The following LGALS8 variants were observed in gnomAD, a reference collection of about 807,000 sequenced individuals.
LGALS8 encodes the protein galectin 8, also known as galectin-8.
In LGALS8, 30 loss-of-function variants were observed where a neutral mutation model predicts 35.9. The observed-to-expected ratio is 0.83, with a 90% CI of 0.62 to 1.13. The LOEUF is 1.13. Ranked by LOEUF, LGALS8 falls within the 50% of genes most tolerant of loss-of-function variation. LGALS8 has a pLI of 0.00. For synonymous variants in LGALS8, 138 were observed against 136.1 expected (o/e 1.01, Z -0.10); for missense variants, 366 against 388.7 (o/e 0.94, Z 0.49).
At chr1:236,543,284 C>T (rs115495077) in intron 7 of LGALS8, 1 of 637,290 alleles carries the variant, frequency 1.6e-6, no homozygotes. Flanking sequence ...ACCCCAGGCA[C>T]AGGGGGCCTT....
At chr1:236,544,973 G>C in intron 9 of LGALS8, 58 bp downstream of exon 9, 1 of 1,351,572 alleles carries the variant, frequency 7.4e-7, no homozygotes, top group Middle Eastern at 1.9e-4. Flanking sequence ...GCAGGGGTGG[G>C]ATAAGTGGTC....
At chr1:236,531,476 A>T (rs182535171) in intron 2 of LGALS8, among the ~76,000 whole-genome samples, 18 of 152,112 alleles carry the variant, frequency 1.2e-4, no homozygotes, top group Non-Finnish European at 2.4e-4. Context: ...GGCGCCCGCC[A>T]CCCACGCCTG....
intron 2 of LGALS8, among the ~76,000 whole-genome samples, chr1:236,532,462 C>A (rs554834096): frequency 4.5e-4 from 69 of 152,296 alleles, no homozygotes; most frequent in African/African-American, 1.6e-3. Flanking sequence ...TTCTGAGTCT[C>A]CAAGTCTTAG....
In LGALS8 at chr1:236,523,997, C is replaced by G. The variant is rs182334325; in HGVS notation, c.-168C>G. On this transcript the variant is annotated 5_prime_UTR_variant, in exon 1 of 10. Transcript: ENST00000366584. ...GCCCACGGACGCCAGAGCCGGGAAC[C>G]CTGACGGCACTTAGCTGCTGACAAA... 538 of 399,374 alleles carry G rather than the reference C, an allele frequency of 1.3e-3. 2 individuals carry two copies. Among genetic ancestry groups the G allele is most frequent in the African/African-American group, 0.01 (505 of 48,742 alleles). 24.7% of individuals were successfully genotyped at this position (399,374 alleles called of 1,614,324 possible).
At chr1:236,541,511 C>A (rs563557274) in intron 5 of LGALS8, 143 bp from the exon 6 acceptor site, 17 of 535,788 alleles carry the variant, frequency 3.2e-5, no homozygotes, top group Middle Eastern at 5.0e-4. Context: ...GCGGAAAGGA[C>A]CACAGTGTCA....
intron 3 of LGALS8, among the ~76,000 whole-genome samples, chr1:236,538,305 A>G (rs1661713387): frequency 6.6e-6 from 1 of 152,126 alleles, no homozygotes; most frequent in African/African-American, 2.4e-5. Context: ...GTGGTTTAAG[A>G]TGTGAAAATT....
intron 2 of LGALS8, among the ~76,000 whole-genome samples, chr1:236,531,516 G>A (rs921907072): frequency 2.2e-4 from 34 of 152,002 alleles, no homozygotes; most frequent in Non-Finnish European, 3.8e-4. Flanking sequence ...TAGTAGAGAC[G>A]GGGTTTCACC....
chr1:236,551,039 T>C lies in LGALS8; in HGVS notation c.*2878T>C. 1 of 1,384,898 alleles carries C rather than the reference T, an allele frequency of 7.2e-7. No homozygotes were observed. Among genetic ancestry groups the C allele is most frequent in the East Asian group, 2.4e-5 (1 of 41,834 alleles). 85.8% of individuals were successfully genotyped at this position (1,384,898 alleles called of 1,614,324 possible). On this transcript the variant is annotated 3_prime_UTR_variant, in exon 10 of 10. Transcript: ENST00000366584. ...AAATTAAAATCTGAGTCAGTCCGCCTGCCTCGGTTCTCATTAGTTTAATTC... is the reference window on the plus strand; with the variant it reads ...AAATTAAAATCTGAGTCAGTCCGCCCGCCTCGGTTCTCATTAGTTTAATTC...
At chr1:236,545,616 G>A (rs1230179207) in intron 9 of LGALS8, among the ~76,000 whole-genome samples, 3 of 152,120 alleles carry the variant, frequency 2.0e-5, no homozygotes, top group African/African-American at 7.2e-5. Flanking sequence ...TGGACCATGT[G>A]GGTTCTTGAG....
chr1:236,543,730 T>C lies in LGALS8; in HGVS notation c.638+82T>C, dbSNP rs1204293202. ...TCCACCCGTGAACGGTCCTGTGAGC[T>C]GGAAGAAGGGCTAGCGTCAGAATCT... On this transcript the variant is annotated intron_variant, in intron 8 of 9. Transcript: ENST00000366584. 4.1e-6 allele frequency: 4 copies of C among 965,178 alleles called. No individual in the cohort carries two copies. The East Asian group carries it at 7.4e-5, about 18-fold the overall frequency. The allele number at this position is 965,178 out of a possible 1,614,324, so 59.8% of individuals were successfully genotyped here.
At chr1:236,533,349 T>C (rs979103206) in intron 2 of LGALS8, among the ~76,000 whole-genome samples, 2 of 151,964 alleles carry the variant, frequency 1.3e-5, no homozygotes, top group African/African-American at 4.8e-5. Flanking sequence ...CTTTTTTTTT[T>C]CTTTGAGACT....
At chr1:236,522,354 A>G (rs1398978128), upstream of LGALS8, among the ~76,000 whole-genome samples, 1 of 152,184 alleles carries the variant, frequency 6.6e-6, no homozygotes, top group African/African-American at 2.4e-5. Flanking sequence ...CTGTAATTTC[A>G]GCATTGTGGG....
At chr1:236,540,543 C>G in intron 4 of LGALS8, 21 bp from the exon 5 acceptor site, 12 of 1,519,302 alleles carry the variant, frequency 7.9e-6, no homozygotes, top group South Asian at 1.3e-5. Context: ...GGGGGGGGCT[C>G]TGTCTTCTGT....
intron 2 of LGALS8, among the ~76,000 whole-genome samples, chr1:236,534,892 C>A (rs1327484499): frequency 1.3e-5 from 2 of 151,882 alleles, no homozygotes; most frequent in Non-Finnish European, 2.9e-5. Flanking sequence ...AAAACCCCAT[C>A]TCTCTAAAAG....
At chr1:236,532,445 C>G (rs137907583) in intron 2 of LGALS8, among the ~76,000 whole-genome samples, 5 of 152,198 alleles carry the variant, frequency 3.3e-5, no homozygotes, top group Non-Finnish European at 5.9e-5. Context: ...ATTCACCTAG[C>G]GTGTGGTTCT....
chr1:236,520,623 G>T (rs370502653), upstream of LGALS8, among the ~76,000 whole-genome samples: 26 of 152,218 alleles, frequency 1.7e-4, no homozygotes, highest in East Asian at 4.4e-3. Context: ...AGCACACTTG[G>T]CACACAGGCT....
rs1662577162 is a variant in LGALS8, at chr1:236,548,890, G to A, written c.*729G>A. The stretch of plus-strand genomic sequence containing the variant: ...AACCAAAGCAAAACAAATACATGGT[G>A]CTGAAATTAACTTGATGCCAAGCCC... On this transcript the variant is annotated 3_prime_UTR_variant, in exon 10 of 10. Transcript: ENST00000366584. 3 of 398,424 alleles carry A rather than the reference G, an allele frequency of 7.5e-6. No individual in the cohort carries two copies. The highest frequency in any genetic ancestry group is 1.3e-5 in the Non-Finnish European group (3 of 226,016). The allele number at this position is 398,424 out of a possible 1,614,324, so 24.7% of individuals were successfully genotyped here. A position where few individuals can be genotyped will look rare whatever the true frequency, so the allele number is the denominator to read the frequency against.
rs748629634 is a variant in LGALS8 at position 236,540,554 on chromosome 1, A to C, written c.346-10A>C. ...TGGCGGGGGGGGCTCTGTCTTCTGT[A>C]TCTCTCTAGGTGGCTGTAAATGGAA... On this transcript the variant is annotated splice_polypyrimidine_tract_variant and intron_variant, in intron 4 of 9. Transcript: ENST00000366584. 2.6e-6 allele frequency: 4 copies of C among 1,551,400 alleles called. No individual in the cohort carries two copies. The highest frequency in any genetic ancestry group is 2.3e-5 in the East Asian group (1 of 42,740).
In LGALS8 at chr1:236,551,046, G is replaced by A. The variant is rs1307469657; in HGVS notation, c.*2885G>A. 4 of 1,320,138 alleles carry A rather than the reference G, an allele frequency of 3.0e-6. No homozygotes were observed. Among genetic ancestry groups the A allele is most frequent in the Non-Finnish European group, 3.1e-6 (3 of 957,638 alleles). 81.8% of individuals were successfully genotyped at this position (1,320,138 alleles called of 1,614,324 possible). On this transcript the variant is annotated 3_prime_UTR_variant, in exon 10 of 10. Coordinates refer to ENST00000366584, the MANE Select transcript of LGALS8 (RefSeq NM_201544.4). Reference sequence around the variant, plus strand: ...AATCTGAGTCAGTCCGCCTGCCTCGGTTCTCATTAGTTTAATTCTTAATGC... The same window carrying A: ...AATCTGAGTCAGTCCGCCTGCCTCGATTCTCATTAGTTTAATTCTTAATGC...
Sources: gnomAD v4.1 joint callset for allele counts (sites outside exome capture counted in the v4.1 genomes callset) on GRCh38, gnomAD v4.1.1 for gene constraint, MANE v1.5 for transcripts, NCBI Gene and HGNC (gene_info 2026-07-23, HGNC 2026-07-21) for gene names.